LDLRAD3: variants seen among roughly 807,000 people sequenced by gnomAD.
LDLRAD3 encodes low density lipoprotein receptor class A domain containing 3.
A neutral mutation model predicts 29.4 loss-of-function variants in LDLRAD3; 20 were observed. That is an observed-to-expected ratio of 0.68 (90% CI 0.48 to 0.99). LDLRAD3 has a LOEUF of 0.99. Among genes scored for constraint, LDLRAD3 ranks in the 50% least tolerant of loss-of-function variants. The probability of loss-of-function intolerance (pLI) is 0.00; values close to 1 mark genes in which losing one functional copy is unlikely to be tolerated. For synonymous variants in LDLRAD3, 157 were observed against 192.7 expected (o/e 0.81, Z 1.53); for missense variants, 420 against 454.3 (o/e 0.92, Z 0.69).
chr11:35,962,184 C>G (rs2133136467), intron 1 of LDLRAD3, among the ~76,000 whole-genome samples: 1 of 152,116 alleles, frequency 6.6e-6, no homozygotes, highest in Middle Eastern at 3.4e-3. Flanking sequence ...TTTAAATAGC[C>G]TTTTTCCTTT....
At chr11:36,013,843 A>T (rs75407460) in intron 1 of LDLRAD3, among the ~76,000 whole-genome samples, 162 of 152,138 alleles carry the variant, frequency 1.1e-3, no homozygotes, top group East Asian at 9.1e-3. Flanking sequence ...GATGCCTTGA[A>T]ATCTTTCTGC....
At chr11:36,087,703 C>T (rs1284696389) in intron 3 of LDLRAD3, among the ~76,000 whole-genome samples, 2 of 151,858 alleles carry the variant, frequency 1.3e-5, no homozygotes, top group African/African-American at 4.8e-5. Flanking sequence ...AAGCAAAAAC[C>T]CAGTATATAT....
chr11:35,958,132 C>T (rs1851228648), intron 1 of LDLRAD3, among the ~76,000 whole-genome samples: 1 of 152,132 alleles, frequency 6.6e-6, no homozygotes, highest in South Asian at 2.1e-4. Context: ...CTGTGTTCTC[C>T]AGTAAGGTGG....
intron 1 of LDLRAD3, among the ~76,000 whole-genome samples, chr11:35,960,332 C>T (rs1261006676): frequency 6.6e-6 from 1 of 152,220 alleles, no homozygotes; most frequent in Non-Finnish European, 1.5e-5. Flanking sequence ...TGACTAGCCA[C>T]ACTGCAGTGA....
intron 4 of LDLRAD3, among the ~76,000 whole-genome samples, chr11:36,129,659 T>C (rs1348501739): frequency 6.6e-6 from 1 of 152,160 alleles, no homozygotes; most frequent in Non-Finnish European, 1.5e-5. Flanking sequence ...CAATTGATCA[T>C]TGCTCTGAGG....
chr11:36,187,851 G>A lies in LDLRAD3; in HGVS notation c.455-39234G>A, dbSNP rs1416845500. 2.0e-5 allele frequency among the ~76,000 whole-genome samples: 3 copies of A among 152,154 alleles called. No homozygotes were observed. The East Asian group carries it at 5.8e-4, about 29-fold the overall frequency. Reference sequence around the variant, plus strand: ...ACAAGCCTCTGTCTCCTGAAGACAGGCCAAGATAACGTTAGATTGAATTTC... The same window carrying A: ...ACAAGCCTCTGTCTCCTGAAGACAGACCAAGATAACGTTAGATTGAATTTC... On this transcript the variant is annotated intron_variant, in intron 4 of 5. Transcript: ENST00000315571.
At chr11:36,024,133 G>T (rs1852132371) in intron 1 of LDLRAD3, among the ~76,000 whole-genome samples, 1 of 152,086 alleles carries the variant, frequency 6.6e-6, no homozygotes, top group Admixed American at 6.6e-5. Flanking sequence ...CTCTAGAGAG[G>T]CAGGAAGAGA....
chr11:35,954,640 T>TAAAG (rs1851179235), intron 1 of LDLRAD3, among the ~76,000 whole-genome samples: 1 of 152,248 alleles, frequency 6.6e-6, no homozygotes, highest in Non-Finnish European at 1.5e-5. Context: ...CTTTGCCTTT[T>TAAAG]GGTGAAAATT....
chr11:36,157,906 A>G (rs1389388087), intron 4 of LDLRAD3, among the ~76,000 whole-genome samples: 6 of 152,210 alleles, frequency 3.9e-5, no homozygotes, highest in African/African-American at 1.2e-4. Context: ...CACTGCTACA[A>G]GGAGGCAAGT....
intron 4 of LDLRAD3, among the ~76,000 whole-genome samples, chr11:36,215,379 C>T (rs1375178991): frequency 7.2e-5 from 11 of 152,134 alleles, no homozygotes; most frequent in Non-Finnish European, 1.6e-4. Context: ...TTAGAAGGAG[C>T]ACCCTGCAGC....
In LDLRAD3 at chr11:36,229,232, C is replaced by T. The variant is rs753429401; in HGVS notation, c.873C>T (p.Pro291=). The T allele has an allele frequency of 1.2e-6, 2 of 1,614,008 alleles. No homozygotes were observed. The highest frequency in any genetic ancestry group is 3.3e-5 in the Admixed American group (2 of 60,006). Reference sequence around the variant, plus strand: ...AATCTCTGAACCAAGCCGACCTGCCCCCCTACCGCTCCCGGTCCGGGAGTG... The same window carrying T: ...AATCTCTGAACCAAGCCGACCTGCCTCCCTACCGCTCCCGGTCCGGGAGTG... ...DTESLNQADL[P]PYRSRSGSAN... Residue 291 remains proline, a synonymous_variant, in exon 6 of 6, where the codon CCC becomes CCT. Coordinates refer to ENST00000315571, the MANE Select transcript of LDLRAD3 (RefSeq NM_174902.4).
At chr11:36,166,587 T>C (rs960624857) in intron 4 of LDLRAD3, among the ~76,000 whole-genome samples, 3 of 152,358 alleles carry the variant, frequency 2.0e-5, no homozygotes, top group Admixed American at 1.3e-4. Context: ...AGATGACTTA[T>C]TTCAAATTTC....
At chr11:36,163,355 A>G (rs371548515) in intron 4 of LDLRAD3, 3 of 152,336 alleles carry the variant, frequency 2.0e-5, no homozygotes, top group African/African-American at 7.2e-5. Context: ...TATTCAGCAG[A>G]CCCATTCTTC....
intron 4 of LDLRAD3, among the ~76,000 whole-genome samples, chr11:36,162,314 A>C (rs1183556691): frequency 6.6e-6 from 1 of 152,230 alleles, no homozygotes; most frequent in Non-Finnish European, 1.5e-5. Context: ...AGGATTCCTC[A>C]TCAAGGGAGA....
chr11:36,116,669 A>G (rs929883101), intron 4 of LDLRAD3, among the ~76,000 whole-genome samples: 2 of 151,838 alleles, frequency 1.3e-5, no homozygotes, highest in Non-Finnish European at 2.9e-5. Context: ...GGAGGAGACT[A>G]AAAAAATAAA....
At chr11:36,225,276 T>G (rs1855483670) in intron 4 of LDLRAD3, among the ~76,000 whole-genome samples, 3 of 152,216 alleles carry the variant, frequency 2.0e-5, no homozygotes, top group Admixed American at 2.0e-4. Context: ...TCACTTGAGC[T>G]GCATTTAGAT....
intron 2 of LDLRAD3, among the ~76,000 whole-genome samples, chr11:36,077,251 T>C (rs933290285): frequency 2.6e-5 from 4 of 152,366 alleles, no homozygotes; most frequent in Admixed American, 6.5e-5. Flanking sequence ...TTTATCCTCC[T>C]GTATTTCTTT....
intron 2 of LDLRAD3, among the ~76,000 whole-genome samples, chr11:36,054,510 C>T (rs946831021): frequency 1.3e-5 from 2 of 152,230 alleles, no homozygotes; most frequent in Non-Finnish European, 2.9e-5. Context: ...ACTGAGCCTT[C>T]TTTTCCTTCT....
At chr11:36,000,030 T>G (rs1218238589) in intron 1 of LDLRAD3, among the ~76,000 whole-genome samples, 1 of 152,064 alleles carries the variant, frequency 6.6e-6, no homozygotes, top group Non-Finnish European at 1.5e-5. Context: ...TACTATGAAG[T>G]GGAATGCTAT....
Sources: gnomAD v4.1 joint callset for allele counts (sites outside exome capture counted in the v4.1 genomes callset) on GRCh38, gnomAD v4.1.1 for gene constraint, MANE v1.5 for transcripts, NCBI Gene and HGNC (gene_info 2026-07-23, HGNC 2026-07-21) for gene names.